CELF2: variants seen among roughly 807,000 people sequenced by gnomAD.
CELF2 encodes the protein CUG triplet repeat RNA-binding protein 2.
CELF2 carries 8 observed loss-of-function variants against 62.6 expected under a neutral mutation model. The observed-to-expected ratio is 0.13, with a 90% confidence interval of 0.07 to 0.23. The LOEUF is 0.23. CELF2 is among the 10% of genes least tolerant of loss of function. The probability of loss-of-function intolerance (pLI) is 1.00; values close to 1 mark genes in which losing one functional copy is unlikely to be tolerated. For missense variants in CELF2, 333 were observed against 671.0 expected, an observed-to-expected ratio of 0.50 and a Z score of 5.56; for synonymous variants, 258 against 250.0, an observed-to-expected ratio of 1.03 and a Z score of -0.30.
chr10:11,245,797 G>A (rs1468251411), intron 3 of CELF2, among the ~76,000 whole-genome samples: 2 of 152,208 alleles, frequency 1.3e-5, no homozygotes, highest in African/African-American at 4.8e-5. Context: ...GCCTTTAGAC[G>A]AGTGTGTGTC....
In CELF2 at chr10:11,044,440, A is replaced by AT. The variant is rs891506912; in HGVS notation, c.74+26287dup. 1.7e-3 allele frequency among the ~76,000 whole-genome samples: 256 copies of AT among 150,390 alleles called. 1 individual carries two copies. Among genetic ancestry groups the AT allele is most frequent in the African/African-American group, 5.6e-3 (230 of 41,020 alleles). ...CCAACCTATTTTGGGTGAGCTTTAA[A>AT]TTTTTTTTTTACATCTTGCAAAAGA... is the stretch of plus-strand genomic sequence containing the variant. On this transcript the variant is annotated intron_variant, in intron 1 of 12. Transcript: ENST00000633077.
intron 1 of CELF2, among the ~76,000 whole-genome samples, chr10:11,057,524 C>T (rs1564552444): frequency 6.6e-6 from 1 of 152,254 alleles, no homozygotes; most frequent in Non-Finnish European, 1.5e-5. Context: ...AAAGGAGCCT[C>T]AGCCACGGCC....
intron 1 of CELF2, among the ~76,000 whole-genome samples, chr10:11,073,838 G>T (rs375232314): frequency 3.9e-5 from 6 of 152,204 alleles, no homozygotes; most frequent in African/African-American, 1.2e-4. Context: ...GTGAAGCAGA[G>T]TGAGGGTTTA....
At chr10:10,999,619 T>G (rs1189074680) in intron 2 of CELF2, among the ~76,000 whole-genome samples, 5 of 152,194 alleles carry the variant, frequency 3.3e-5, no homozygotes, top group East Asian at 1.9e-4. Flanking sequence ...TATAAAAAAT[T>G]AAAAAGAGTT....
the CELF2 span, among the ~76,000 whole-genome samples, chr10:10,636,065 ATAACT>A: frequency 1.3e-5 from 2 of 152,350 alleles, no homozygotes; most frequent in Middle Eastern, 3.4e-3. Context: ...AATATATCAA[ATAACT>A]TAAGGAATGA....
upstream of CELF2, among the ~76,000 whole-genome samples, chr10:11,004,471 G>A (rs543822368): frequency 7.2e-5 from 11 of 152,028 alleles, no homozygotes; most frequent in Middle Eastern, 3.4e-3. The surrounding 1 kb of genome is among the most constrained non-coding windows in gnomAD (Gnocchi z 5.0). Context: ...GCTAATCTGC[G>A]TAGAATTTTT....
At chr10:11,051,587 A>G (rs1303953436) in intron 1 of CELF2, among the ~76,000 whole-genome samples, 1 of 152,184 alleles carries the variant, frequency 6.6e-6, no homozygotes, top group Non-Finnish European at 1.5e-5. Context: ...AGGCACCACA[A>G]TGTGCTAAGG....
At chr10:11,232,854 A>G (rs192793286) in intron 3 of CELF2, among the ~76,000 whole-genome samples, 169 of 152,310 alleles carry the variant, frequency 1.1e-3, no homozygotes, top group African/African-American at 3.8e-3. Flanking sequence ...GTCAGAGTCA[A>G]TTGTGCCAGG....
At chr10:10,740,978 G>A in the CELF2 span, among the ~76,000 whole-genome samples, 7 of 152,152 alleles carry the variant, frequency 4.6e-5, no homozygotes, top group African/African-American at 9.7e-5. Flanking sequence ...GTTTAGTAAG[G>A]CAGAATTCAT....
In CELF2 at chr10:11,335,892, C is replaced by T. The variant is rs1158927879; in HGVS notation, c.*6839C>T. On this transcript the variant is annotated 3_prime_UTR_variant, in exon 13 of 13. Transcript: ENST00000633077. This position sits in a 1 kb window ranked among gnomAD's most constrained non-coding sequence, Gnocchi z 5.0. ...AGTTTTTGTTGCTTTTCTAAAGCAA[C>T]AAATAATTCTCCAAAGAAGGGGATG... 6.6e-6 allele frequency: 1 copy of T among 152,156 alleles called. No individual in the cohort carries two copies. Among genetic ancestry groups the T allele is most frequent in the Non-Finnish European group, 1.5e-5 (1 of 68,024 alleles). The allele number at this position is 152,156 out of a possible 1,614,324, so 9.4% of individuals were successfully genotyped here. A position where few individuals can be genotyped will look rare whatever the true frequency, so the allele number is the denominator to read the frequency against.
At chr10:10,692,915 A>T in the CELF2 span, among the ~76,000 whole-genome samples, 1 of 138,360 alleles carries the variant, frequency 7.2e-6, no homozygotes, top group African/African-American at 2.8e-5. Flanking sequence ...TTGGGCTGAG[A>T]CAATGGGGTT....
chr10:10,479,493 G>A, the CELF2 span, among the ~76,000 whole-genome samples: 7 of 152,070 alleles, frequency 4.6e-5, no homozygotes, highest in East Asian at 3.9e-4. Flanking sequence ...CAAACTACAC[G>A]GAAGTTATGA....
the CELF2 span, among the ~76,000 whole-genome samples, chr10:10,592,431 A>G: frequency 6.6e-6 from 1 of 152,080 alleles, no homozygotes. Context: ...AAAATAATCA[A>G]CCTCAGACCT....
chr10:10,940,928 T>C (rs1051550482), intron 2 of CELF2, among the ~76,000 whole-genome samples: 2 of 152,212 alleles, frequency 1.3e-5, no homozygotes, highest in African/African-American at 2.4e-5. Flanking sequence ...GTAGTACTAA[T>C]GTAAAACCTC....
At chr10:10,926,676 C>T (rs542778915) in intron 2 of CELF2, among the ~76,000 whole-genome samples, 1 of 152,258 alleles carries the variant, frequency 6.6e-6, no homozygotes, top group South Asian at 2.1e-4. Context: ...AATCCCTTTT[C>T]CATGCCTGAT....
chr10:10,643,223 G>A, the CELF2 span, among the ~76,000 whole-genome samples: 19 of 152,214 alleles, frequency 1.2e-4, no homozygotes, highest in Non-Finnish European at 2.8e-4. Context: ...GGGTTTGACT[G>A]TGTCCCCACC....
chr10:10,704,120 T>G, the CELF2 span, among the ~76,000 whole-genome samples: 1 of 152,214 alleles, frequency 6.6e-6, no homozygotes, highest in African/African-American at 2.4e-5. Context: ...GTGCCATGTC[T>G]GAGCAAAGAT....
chr10:10,538,920 T>C, the CELF2 span, among the ~76,000 whole-genome samples: 147,309 of 152,326 alleles, frequency 0.97, 71,255 homozygotes, highest in South Asian at 0.98. Context: ...TTTGTTTAAT[T>C]TTCCCGCAAT....
At position 11,329,018 on chromosome 10, in the gene CELF2, C is replaced by T. The variant is rs771251796; in HGVS notation, c.1531C>T (p.Leu511=). ...CGGCATGAAACGCTTGAAGGTGCAGCTGAAGCGTTCCAAAAACGACAGCAA... is the reference window on the plus strand; with the variant it reads ...CGGCATGAAACGCTTGAAGGTGCAGTTGAAGCGTTCCAAAAACGACAGCAA... ...QIGMKRLKVQ[L]KRSKNDSKPY Residue 511 remains leucine, a synonymous_variant, in exon 13 of 13, where the codon CTG becomes TTG. Coordinates refer to ENST00000633077, the MANE Select transcript of CELF2 (RefSeq NM_001326342.2). The surrounding 1 kb of genome is among the most constrained non-coding windows in gnomAD (Gnocchi z 5.5). The T allele has an allele frequency of 1.2e-6, 2 of 1,613,492 alleles. No homozygotes were observed. The highest frequency in any genetic ancestry group is 1.7e-5 in the Admixed American group (1 of 59,998).
Sources: allele counts gnomAD v4.1 joint callset (sites outside exome capture counted in the v4.1 genomes callset), GRCh38; gene constraint gnomAD v4.1.1; non-coding constraint Gnocchi (gnomAD v3.1); transcripts MANE v1.5; gene names NCBI Gene and HGNC (gene_info 2026-07-23, HGNC 2026-07-21).